The following CAMTA1 variants were observed in gnomAD, a reference collection of about 807,000 sequenced individuals.
The protein encoded by CAMTA1 is calmodulin binding transcription activator 1.
CAMTA1 carries 27 observed loss-of-function variants against 170.9 expected under a neutral mutation model. The ratio of observed to expected loss-of-function variants is 0.16; its 90% confidence interval spans 0.12 to 0.22. The LOEUF (loss-of-function observed/expected upper bound fraction) is 0.22, where lower values mean the gene tolerates loss of function less well. Among genes scored for constraint, CAMTA1 ranks in the 10% least tolerant of loss-of-function variants. The pLI is 1.00. For missense variants in CAMTA1, 1,619 were observed against 2,217.2 expected, an observed-to-expected ratio of 0.73 and a Z score of 5.42; for synonymous variants, 833 against 891.5, an observed-to-expected ratio of 0.93 and a Z score of 1.17.
At chr1:7,721,691 T>C (rs2096650765) in intron 11 of CAMTA1, among the ~76,000 whole-genome samples, 1 of 152,186 alleles carries the variant, frequency 6.6e-6, no homozygotes, top group East Asian at 1.9e-4. Flanking sequence ...CATTTTATTT[T>C]GTATGTTCAG....
At chr1:7,706,385 C>T (rs1376173302) in intron 11 of CAMTA1, among the ~76,000 whole-genome samples, 3 of 152,194 alleles carry the variant, frequency 2.0e-5, no homozygotes, top group African/African-American at 7.2e-5. Context: ...AAATGTCTGG[C>T]TATTACATAC....
At position 7,173,959 on chromosome 1, in the gene CAMTA1, G is replaced by A. The variant is rs1490286461; in HGVS notation, c.303-75532G>A. The stretch of plus-strand genomic sequence containing the variant: ...CAGAGGGGCCCAGCCTTTACCATGG[G>A]TTACCTTTGACACCAAGGTTCCCCC... On this transcript the variant is annotated intron_variant, in intron 4 of 22. Transcript: ENST00000303635. The surrounding 1 kb of genome is among the most constrained non-coding windows in gnomAD (Gnocchi z 5.4). Among the ~76,000 whole-genome samples, 1 of 152,046 alleles carries A rather than the reference G, an allele frequency of 6.6e-6. No individual in the cohort carries two copies. Among genetic ancestry groups the A allele is most frequent in the African/African-American group, 2.4e-5 (1 of 41,374 alleles).
At position 7,511,019 on chromosome 1, in the gene CAMTA1, G is replaced by A. The variant is rs369140974; in HGVS notation, c.510+43118G>A. Among the ~76,000 whole-genome samples, 27 of 144,684 alleles carry A rather than the reference G, an allele frequency of 1.9e-4. 3 individuals are homozygous for A. In the South Asian group the frequency reaches 4.9e-3, roughly 26 times the overall value. 94.9% of individuals were successfully genotyped at this position (144,684 alleles called of 152,430 possible). On this transcript the variant is annotated intron_variant, in intron 6 of 22. Coordinates refer to ENST00000303635, the MANE Select transcript of CAMTA1 (RefSeq NM_015215.4). The stretch of plus-strand genomic sequence containing the variant: ...CGAGCCTCCCCTCTTTAAACTCTCC[G>A]TGTGTGTTACTCCTTCGGCACTCGC...
chr1:7,395,512 C>G (rs2089226881), intron 5 of CAMTA1, among the ~76,000 whole-genome samples: 1 of 152,090 alleles, frequency 6.6e-6, no homozygotes, highest in African/African-American at 2.4e-5. Flanking sequence ...GTGATGGACC[C>G]TCTGGCTTTA....
intron 3 of CAMTA1, among the ~76,000 whole-genome samples, chr1:7,071,276 T>A (rs7538105): frequency 0.39 from 59,682 of 152,020 alleles, 12,310 homozygotes; most frequent in African/African-American, 0.52. Context: ...GCCTGATAGG[T>A]GACAAAAGCA....
rs759114507 is a variant in CAMTA1, at chr1:7,664,720, G to A, written c.2173G>A (p.Gly725Arg). 1.1e-5 allele frequency: 18 copies of A among 1,608,366 alleles called. No homozygotes were observed. The highest frequency in any genetic ancestry group is 8.8e-5 in the South Asian group (8 of 90,912). The change falls in exon 9 of 23, where the codon GGG (glycine) becomes AGG (arginine). Residue 725 changes from glycine to arginine, a missense_variant. Coordinates refer to ENST00000303635, the MANE Select transcript of CAMTA1 (RefSeq NM_015215.4). The stretch of plus-strand genomic sequence containing the variant: ...GCACTACCTGCAGCCGGAGACCAAC[G>A]GGGTAATCCGAAGCGCCGGCGGCGT... The part of the protein sequence containing the change: ...SEHYLQPETN[G>R]VIRSAGGVPI...
intron 6 of CAMTA1, among the ~76,000 whole-genome samples, chr1:7,493,170 C>CAT (rs1475123258): frequency 1.5e-5 from 2 of 129,830 alleles, no homozygotes; most frequent in African/African-American, 5.9e-5. Flanking sequence ...TACATACACG[C>CAT]GCACACAAAT....
chr1:7,274,258 G>T (rs1419700087), intron 5 of CAMTA1, among the ~76,000 whole-genome samples: 1 of 151,990 alleles, frequency 6.6e-6, no homozygotes, highest in East Asian at 1.9e-4. Flanking sequence ...GAAGTAAAAA[G>T]ATGGGAAAAA....
chr1:7,734,008 C>T (rs187010361), intron 12 of CAMTA1, among the ~76,000 whole-genome samples: 53 of 152,230 alleles, frequency 3.5e-4, no homozygotes, highest in Non-Finnish European at 6.8e-4. Context: ...AGTGCAGTGA[C>T]ACAATCTTGG....
chr1:7,043,418 T>C (rs537010970), intron 3 of CAMTA1, among the ~76,000 whole-genome samples: 1 of 152,298 alleles, frequency 6.6e-6, no homozygotes, highest in African/African-American at 2.4e-5. Context: ...GGGTCAGTAA[T>C]AGTGCTGTCC....
chr1:7,660,774 C>G (rs1192904338), intron 7 of CAMTA1, among the ~76,000 whole-genome samples: 4 of 152,204 alleles, frequency 2.6e-5, no homozygotes, highest in Non-Finnish European at 5.9e-5. Context: ...CGTATCTCGA[C>G]CCTGTGCCCG....
chr1:7,103,988 G>C (rs12744273), intron 4 of CAMTA1, among the ~76,000 whole-genome samples: 150,734 of 150,958 alleles, frequency 1, 75,255 homozygotes, highest in Middle Eastern at 1. Context: ...CAACACACAA[G>C]TACACACATG....
intron 3 of CAMTA1, among the ~76,000 whole-genome samples, chr1:6,995,355 G>A (rs1697087063): frequency 7.9e-6 from 1 of 126,532 alleles, no homozygotes. Context: ...GGCTGGAGTA[G>A]TGCAGTGACA....
At chr1:7,054,267 C>A (rs1706942792) in intron 3 of CAMTA1, among the ~76,000 whole-genome samples, 1 of 152,164 alleles carries the variant, frequency 6.6e-6, no homozygotes, top group South Asian at 2.1e-4. Flanking sequence ...CTCATGTCCT[C>A]CCCCACAAGG....
chr1:7,298,146 G>C (rs142693398), intron 5 of CAMTA1, among the ~76,000 whole-genome samples: 2 of 152,302 alleles, frequency 1.3e-5, no homozygotes, highest in African/African-American at 4.8e-5. Context: ...CCCAGGGAAG[G>C]ATTCTCAAGG....
chr1:7,033,183 A>G (rs184872105), intron 3 of CAMTA1, among the ~76,000 whole-genome samples: 2 of 152,216 alleles, frequency 1.3e-5, no homozygotes, highest in Admixed American at 1.3e-4. Flanking sequence ...CATATATTAG[A>G]CTGCTTAAAG....
chr1:7,751,344 A>G lies in CAMTA1; in HGVS notation c.4835A>G (p.Lys1612Arg), dbSNP rs1437964566. ...KYYRSYKKCGKRRQARRTAVI... is the reference protein window; with the variant it reads ...KYYRSYKKCGRRRQARRTAVI... ...TACCGAAGTTATAAGAAATGTGGCA[A>G]AAGACGGCAGGCTCGCCGGACGGCT... Residue 1612 changes from lysine to arginine, a missense_variant, in exon 20 of 23, where the codon AAA becomes AGA. By Grantham distance (26) the Lys-to-Arg change is conservative. Coordinates refer to ENST00000303635, the MANE Select transcript of CAMTA1 (RefSeq NM_015215.4). 6 of 1,611,180 alleles carry G rather than the reference A, an allele frequency of 3.7e-6. No homozygotes were observed. The highest frequency in any genetic ancestry group is 4.2e-6 in the Non-Finnish European group (5 of 1,179,268).
rs115149307 is a variant in CAMTA1 at position 7,648,979 on chromosome 1, G to A, written c.664+8426G>A. ...GGCCTCCTTTCTCACATCCAGGTGC[G>A]AGGAGGGCAGGCGTTGGAGGCCACA... On this transcript the variant is annotated intron_variant, in intron 7 of 22. Coordinates refer to ENST00000303635, the MANE Select transcript of CAMTA1 (RefSeq NM_015215.4). Among the ~76,000 whole-genome samples, 474 of 152,338 alleles carry A rather than the reference G, an allele frequency of 3.1e-3. 2 individuals carry two copies. The highest frequency in any genetic ancestry group is 0.011 in the African/African-American group (457 of 41,584).
At chr1:7,566,500 G>T (rs150643583) in intron 6 of CAMTA1, among the ~76,000 whole-genome samples, 1 of 151,956 alleles carries the variant, frequency 6.6e-6, no homozygotes, top group African/African-American at 2.4e-5. Flanking sequence ...CCCCTGCCTC[G>T]CTTCCTTTCT....
Sources: gnomAD v4.1 joint callset for allele counts (sites outside exome capture counted in the v4.1 genomes callset) on GRCh38, gnomAD v4.1.1 for gene constraint, Gnocchi (gnomAD v3.1) non-coding constraint, MANE v1.5 for transcripts, NCBI Gene and HGNC (gene_info 2026-07-23, HGNC 2026-07-21) for gene names.